Variants in FSTL5 observed in about 807,000 individuals in gnomAD.
FSTL5 encodes follistatin-related protein 5.
Under a neutral mutation model 89.1 loss-of-function variants are expected in FSTL5, and 62 were observed. That is an observed-to-expected ratio of 0.70 (90% CI 0.57 to 0.86). The LOEUF (loss-of-function observed/expected upper bound fraction) is 0.86. FSTL5 is among the 40% of genes least tolerant of loss of function. The pLI is 0.00. For missense variants in FSTL5, 1,057 were observed against 1,001.6 expected, an observed-to-expected ratio of 1.06 and a Z score of -0.75; for synonymous variants, 383 against 346.2, an observed-to-expected ratio of 1.11 and a Z score of -1.18.
At chr4:161,872,827 T>C (rs1289922781) in intron 4 of FSTL5, among the ~76,000 whole-genome samples, 1 of 152,180 alleles carries the variant, frequency 6.6e-6, no homozygotes, top group Non-Finnish European at 1.5e-5. Flanking sequence ...AGGATTATGT[T>C]TTTTATTTGA....
At chr4:161,739,220 A>G (rs1407815741) in intron 6 of FSTL5, among the ~76,000 whole-genome samples, 3 of 152,322 alleles carry the variant, frequency 2.0e-5, no homozygotes, top group East Asian at 1.9e-4. Context: ...CCTAAATTCA[A>G]TATGAATGAT....
intron 4 of FSTL5, among the ~76,000 whole-genome samples, chr4:161,888,523 T>C (rs1035695950): frequency 6.6e-6 from 1 of 152,190 alleles, no homozygotes; most frequent in Non-Finnish European, 1.5e-5. Context: ...TGCATTGGTA[T>C]TATACATATA....
intron 10 of FSTL5, among the ~76,000 whole-genome samples, chr4:161,516,724 TACACAC>T (rs35139981): frequency 0.024 from 3,039 of 127,262 alleles, 168 homozygotes; most frequent in African/African-American, 0.061. Flanking sequence ...TATATATATG[TACACAC>T]ACACACACAC....
chr4:161,493,375 A>T (rs889205989), intron 12 of FSTL5, among the ~76,000 whole-genome samples: 77 of 151,912 alleles, frequency 5.1e-4, no homozygotes, highest in African/African-American at 1.8e-3. Flanking sequence ...TAAATGTAGC[A>T]ATTGATTGTA....
intron 3 of FSTL5, among the ~76,000 whole-genome samples, chr4:161,941,614 A>G (rs1734587471): frequency 6.6e-6 from 1 of 151,976 alleles, no homozygotes; most frequent in East Asian, 1.9e-4. Flanking sequence ...TTACAAACAT[A>G]TATGCACCAA....
chr4:161,853,693 A>T (rs993574983), intron 4 of FSTL5, among the ~76,000 whole-genome samples: 25 of 152,126 alleles, frequency 1.6e-4, no homozygotes, highest in African/African-American at 5.3e-4. Context: ...TATTGGCATA[A>T]CCAAGAGAAA....
chr4:161,454,946 C>A, intron 15 of FSTL5, 58 bp downstream of exon 15: 1 of 1,501,254 alleles, frequency 6.7e-7, no homozygotes, highest in Non-Finnish European at 9.2e-7. Context: ...TTTCACATGG[C>A]TTTCTATTAT....
Position 161,873,463 on chromosome 4 carries a change from A to T in FSTL5, c.409+46941T>A, listed in dbSNP as rs1032068929. ...ATTATTGCAATAATTTTGTTACAATAATAAAATTATTTCCTTAGTTCCTTC... is the reference window on the plus strand; with the variant it reads ...ATTATTGCAATAATTTTGTTACAATTATAAAATTATTTCCTTAGTTCCTTC... On this transcript the variant is annotated intron_variant, in intron 4 of 15. Coordinates refer to ENST00000306100, the MANE Select transcript of FSTL5 (RefSeq NM_020116.5). 5.1e-4 allele frequency among the ~76,000 whole-genome samples: 77 copies of T among 151,372 alleles called. 2 individuals are homozygous for T.
chr4:161,579,023 T>C (rs539526777), intron 8 of FSTL5, among the ~76,000 whole-genome samples: 2 of 152,270 alleles, frequency 1.3e-5, no homozygotes, highest in African/African-American at 2.4e-5. Flanking sequence ...CAGTTTTACA[T>C]GAAAAAATGA....
intron 15 of FSTL5, among the ~76,000 whole-genome samples, chr4:161,390,529 T>C (rs1269242148): frequency 6.6e-6 from 1 of 152,104 alleles, no homozygotes; most frequent in African/African-American, 2.4e-5. Context: ...CCCAAGTCCT[T>C]TACTCAGTCC....
intron 15 of FSTL5, among the ~76,000 whole-genome samples, chr4:161,412,542 C>A (rs565798801): frequency 1.1e-4 from 16 of 152,110 alleles, no homozygotes; most frequent in African/African-American, 3.9e-4. Flanking sequence ...GGAGAAATAT[C>A]TAATGTAAAT....
intron 7 of FSTL5, among the ~76,000 whole-genome samples, chr4:161,606,879 A>T (rs1445021417): frequency 6.6e-6 from 1 of 152,208 alleles, no homozygotes; most frequent in Admixed American, 6.5e-5. Flanking sequence ...TTATATGGGA[A>T]GAGATAAAAA....
intron 10 of FSTL5, 31 bp downstream of exon 10, chr4:161,538,135 T>C: frequency 6.2e-7 from 1 of 1,610,320 alleles, no homozygotes; most frequent in South Asian, 1.1e-5. Context: ...GAATATGGTG[T>C]GTGTGTGCTG....
chr4:161,932,165 A>T (rs1278225920), intron 3 of FSTL5, among the ~76,000 whole-genome samples: 2 of 152,006 alleles, frequency 1.3e-5, no homozygotes, highest in African/African-American at 4.8e-5. Context: ...AGTTTTTCAA[A>T]TTCTTGCCTG....
chr4:162,101,325 T>C (rs1393270546), intron 2 of FSTL5, among the ~76,000 whole-genome samples: 2 of 152,224 alleles, frequency 1.3e-5, no homozygotes, highest in Non-Finnish European at 1.5e-5. Flanking sequence ...TTTAAGAACT[T>C]GATTTGAACT....
At chr4:161,801,096 A>G (rs1256068157) in intron 4 of FSTL5, among the ~76,000 whole-genome samples, 1 of 151,616 alleles carries the variant, frequency 6.6e-6, no homozygotes, top group Admixed American at 6.6e-5. Context: ...CATATTCTGA[A>G]GATAAAAAAT....
At chr4:161,504,387 T>C (rs1324161868) in intron 11 of FSTL5, among the ~76,000 whole-genome samples, 1 of 151,932 alleles carries the variant, frequency 6.6e-6, no homozygotes, top group Non-Finnish European at 1.5e-5. Flanking sequence ...TGGTGAAGTA[T>C]ATTACAAACA....
chr4:161,980,086 A>AAG (rs1735773884), intron 3 of FSTL5, among the ~76,000 whole-genome samples: 1 of 139,658 alleles, frequency 7.2e-6, no homozygotes, highest in Non-Finnish European at 1.5e-5. Flanking sequence ...AGAAAGAAAG[A>AAG]AAAAAGAAAA....
chr4:162,122,758 T>C (rs563648856), intron 1 of FSTL5, among the ~76,000 whole-genome samples: 1 of 152,256 alleles, frequency 6.6e-6, no homozygotes, highest in African/African-American at 2.4e-5. Flanking sequence ...ATGTACTTTA[T>C]TGCACATTTC....
Sources: gnomAD v4.1 joint callset for allele counts (sites outside exome capture counted in the v4.1 genomes callset) on GRCh38, gnomAD v4.1.1 for gene constraint, MANE v1.5 for transcripts, NCBI Gene and HGNC (gene_info 2026-07-23, HGNC 2026-07-21) for gene names.